Variants in PSEN2 observed in about 807,000 individuals in gnomAD.
PSEN2 encodes presenilin-2.
In PSEN2, 32 loss-of-function variants were observed where a neutral mutation model predicts 49.1. The observed-to-expected ratio is 0.65, with a 90% CI of 0.49 to 0.88. PSEN2 has a LOEUF of 0.88. Among genes scored for constraint, PSEN2 ranks in the 40% least tolerant of loss-of-function variants. The pLI, the probability that PSEN2 is intolerant of heterozygous loss-of-function variation, is 0.00. For synonymous variants in PSEN2, 255 were observed against 244.0 expected (o/e 1.05, Z -0.42); for missense variants, 522 against 586.9 (o/e 0.89, Z 1.14).
chr1:226,883,869 G>A lies in PSEN2; in HGVS notation c.306G>A (p.Val102=), dbSNP rs748572509. Residue 102 remains valine (V), a synonymous_variant, in exon 5 of 13, where the codon GTG becomes GTA. Coordinates refer to ENST00000366783, the MANE Select transcript of PSEN2 (RefSeq NM_000447.3). ...CTGTCACTCTGTGCATGATCGTGGT[G>A]GTAGCCACCATCAAGTCTGTGCGCT... ...FVPVTLCMIV[V]VATIKSVRFY... 3.1e-6 allele frequency: 5 copies of A among 1,613,928 alleles called. No individual in the cohort carries two copies. In the East Asian group the frequency reaches 1.1e-4, roughly 36 times the overall value.
chr1:226,892,787 C>A (rs563820064), intron 11 of PSEN2, among the ~76,000 whole-genome samples: 52 of 152,276 alleles, frequency 3.4e-4, no homozygotes, highest in African/African-American at 1.2e-3. Context: ...AGACACCAGC[C>A]ACAAGCTCTA....
intron 7 of PSEN2, 28 bp downstream of exon 7, chr1:226,888,186 C>T (rs1571959299): frequency 6.3e-7 from 1 of 1,575,184 alleles, no homozygotes; most frequent in South Asian, 1.1e-5. Context: ...AGCAGGGTCC[C>T]TGGGAGCCCC....
At chr1:226,873,874 A>G (rs574252913) in intron 2 of PSEN2, among the ~76,000 whole-genome samples, 1 of 152,276 alleles carries the variant, frequency 6.6e-6, no homozygotes, top group African/African-American at 2.4e-5. Flanking sequence ...CTCATGGAAA[A>G]GCAGATTTGA....
intron 11 of PSEN2, among the ~76,000 whole-genome samples, chr1:226,892,290 G>A (rs1661811230): frequency 6.6e-6 from 1 of 152,224 alleles, no homozygotes; most frequent in African/African-American, 2.4e-5. Flanking sequence ...AGTCACAGCA[G>A]TCACTAGAGG....
chr1:226,884,730 G>C (rs1213626913), intron 5 of PSEN2: 6 of 151,966 alleles, frequency 3.9e-5, no homozygotes. Flanking sequence ...CCTGGGAAAT[G>C]TGGCGAGACC....
At chr1:226,878,102 CAG>C (rs1384530212) in intron 3 of PSEN2, among the ~76,000 whole-genome samples, 1 of 151,142 alleles carries the variant, frequency 6.6e-6, no homozygotes, top group Non-Finnish European at 1.5e-5. Flanking sequence ...TTTTTTGAGA[CAG>C]AGTCTCACTC....
intron 2 of PSEN2, among the ~76,000 whole-genome samples, chr1:226,873,726 C>T (rs745648141): frequency 1.3e-5 from 2 of 152,200 alleles, no homozygotes; most frequent in Non-Finnish European, 2.9e-5. Context: ...GAGATAACCA[C>T]TCTTAACATG....
chr1:226,891,254 T>C lies in PSEN2; in HGVS notation c.887-24T>C, dbSNP rs2802267. On this transcript the variant is annotated intron_variant, in intron 9 of 12. Transcript: ENST00000366783. ...CAGCCACTGTTAGCACCGCCTGAGATGTGAACCTTTTCTCCTCCCCCAGCT... is the reference window on the plus strand; with the variant it reads ...CAGCCACTGTTAGCACCGCCTGAGACGTGAACCTTTTCTCCTCCCCCAGCT... The C allele has an allele frequency of 0.77, 1,236,829 of 1,609,410 alleles. 476,331 individuals carry two copies. Among genetic ancestry groups the C allele is most frequent in the Middle Eastern group, 0.82 (4,819 of 5,882 alleles).
chr1:226,874,413 C>A (rs1442073147), intron 2 of PSEN2, among the ~76,000 whole-genome samples: 1 of 152,178 alleles, frequency 6.6e-6, no homozygotes, highest in Non-Finnish European at 1.5e-5. Flanking sequence ...GACTAGGTGG[C>A]GTTGATGGCC....
chr1:226,872,115 G>C (rs1473316478), intron 2 of PSEN2, among the ~76,000 whole-genome samples: 1 of 152,186 alleles, frequency 6.6e-6, no homozygotes, highest in Non-Finnish European at 1.5e-5. Context: ...GAGCAGCAAG[G>C]AGGAGGAGGA....
chr1:226,881,980 A>G lies in PSEN2; in HGVS notation c.73A>G (p.Ser25Gly). The G allele has an allele frequency of 1.2e-6, 2 of 1,614,020 alleles. No homozygotes were observed. The highest frequency in any genetic ancestry group is 1.7e-6 in the Non-Finnish European group (2 of 1,179,966). ...GCGGACGTCCCTAATGTCGGCTGAG[A>G]GCCCCACGCCGCGCTCCTGCCAGGA... ...DERTSLMSAE[S>G]PTPRSCQEGR... Residue 25 changes from serine to glycine, a missense_variant, in exon 4 of 13, where the codon AGC becomes GGC. Transcript: ENST00000366783.
At chr1:226,899,442 T>A (rs1401437152), downstream of PSEN2, 1 of 152,366 alleles carries the variant, frequency 6.6e-6, no homozygotes, top group African/African-American at 2.4e-5. Context: ...TAGAACTTGC[T>A]CTCTCGCAGG....
intron 3 of PSEN2, among the ~76,000 whole-genome samples, chr1:226,876,435 G>A (rs777205194): frequency 2.0e-5 from 3 of 152,212 alleles, no homozygotes; most frequent in Admixed American, 6.5e-5. Context: ...AGGGGCAGAT[G>A]TAGAGGAAAA....
downstream of PSEN2, among the ~76,000 whole-genome samples, chr1:226,899,728 C>G (rs12080750): frequency 0.031 from 4,646 of 152,200 alleles, 200 homozygotes; most frequent in East Asian, 0.16. Context: ...TGCAATAGTG[C>G]ATGGTATCAG....
intron 3 of PSEN2, 99 bp from the exon 4 acceptor site, chr1:226,881,789 G>T (rs745925330): frequency 1.9e-5 from 26 of 1,337,164 alleles, no homozygotes; most frequent in Non-Finnish European, 2.7e-5. Context: ...GGCAGGACTT[G>T]TGTCCAAGTC....
chr1:226,899,189 G>A (rs186736576), downstream of PSEN2: 2 of 152,254 alleles, frequency 1.3e-5, no homozygotes, highest in Admixed American at 1.3e-4. Context: ...CTTGTTTTAA[G>A]AGATCCTTCC....
In PSEN2 at chr1:226,902,736, G is replaced by C. The variant is rs552489839; in HGVS notation, c.1192-5786G>C. ...CACTGAGCCAAGGGTCTGTCAGTGA[G>C]AGCTGGGGAGGCTGGGCTGGCTTGC... is the stretch of plus-strand genomic sequence containing the variant. On this transcript the variant is annotated intron_variant, in intron 12 of 14. Coordinates refer to the PSEN2 transcript ENST00000676945. Among the ~76,000 whole-genome samples, 26 of 152,306 alleles carry C rather than the reference G, an allele frequency of 1.7e-4. 2 individuals are homozygous for C. The South Asian group carries it at 5.4e-3, about 32-fold the overall frequency.
At chr1:226,886,059 A>G (rs1661346789) in intron 6 of PSEN2, among the ~76,000 whole-genome samples, 1 of 145,742 alleles carries the variant, frequency 6.9e-6, no homozygotes, top group African/African-American at 2.5e-5. Context: ...TGTGCAGGCT[A>G]GATCTCACAG....
At chr1:226,873,209 C>T (rs1393776978) in intron 2 of PSEN2, among the ~76,000 whole-genome samples, 2 of 151,908 alleles carry the variant, frequency 1.3e-5, no homozygotes, top group Non-Finnish European at 2.9e-5. Context: ...CATCAGTCCT[C>T]AGGAAAGATC....
Sources: allele counts gnomAD v4.1 joint callset (sites outside exome capture counted in the v4.1 genomes callset), GRCh38; gene constraint gnomAD v4.1.1; transcripts MANE v1.5; gene names NCBI Gene and HGNC (gene_info 2026-07-23, HGNC 2026-07-21).